SETD9: variants seen among roughly 807,000 people sequenced by gnomAD.
The protein encoded by SETD9 is SET domain containing 9.
A neutral mutation model predicts 36.4 loss-of-function variants in SETD9; 37 were observed. The observed-to-expected ratio is 1.02, with a 90% CI of 0.78 to 1.34. The LOEUF is 1.34. Ranked by LOEUF, SETD9 falls within the 40% of genes most tolerant of loss-of-function variation. The pLI, the probability that SETD9 is intolerant of heterozygous loss-of-function variation, is 0.00. For synonymous variants in SETD9, 128 were observed against 132.9 expected (o/e 0.96, Z 0.26); for missense variants, 323 against 353.2 (o/e 0.91, Z 0.69).
rs371330780 is a variant in SETD9, at chr5:56,923,897, C to T, written c.813-1436C>T. 14 of 1,613,848 alleles carry T rather than the reference C, an allele frequency of 8.7e-6. No homozygotes were observed. In the African/African-American group the frequency reaches 1.7e-4, roughly 20 times the overall value. ...ACAGTTAAAAGTAAGTCTTTGAAGG[C>T]AAGGCCACAGTACTTACGTAACTCC... On this transcript the variant is annotated intron_variant, in intron 5 of 5. Transcript: ENST00000628593.
intron 5 of SETD9, chr5:56,922,655 T>A (rs994923555): frequency 7.6e-5 from 12 of 157,918 alleles, no homozygotes; most frequent in African/African-American, 2.7e-4. Flanking sequence ...TGAGCAGGGA[T>A]CGGGATCGGT....
chr5:56,911,350 C>T lies in SETD9; in HGVS notation c.280C>T (p.His94Tyr). The change falls in exon 2 of 6, where the codon CAT becomes TAT. Residue 94 changes from histidine (H) to tyrosine (Y), a missense_variant. His to Tyr is a moderately conservative substitution (Grantham distance 83). Transcript: ENST00000285947. ...SKYQDLLAVE[H>Y]QGVKLLENRH... ...ATATCAAGACCTACTGGCAGTTGAA[C>T]ATCAAGGGGTGAAACTGCTTGAAAA... 6.2e-7 allele frequency: 1 copy of T among 1,611,450 alleles called. No homozygotes were observed.
At chr5:56,913,603 C>T (rs1326417588) in intron 3 of SETD9, among the ~76,000 whole-genome samples, 2 of 151,842 alleles carry the variant, frequency 1.3e-5, no homozygotes, top group Admixed American at 6.6e-5. Flanking sequence ...AGGCTGGTCT[C>T]GAACTCTAGA....
intron 4 of SETD9, 37 bp downstream of exon 4, chr5:56,914,026 T>G (rs772328214): frequency 7.0e-7 from 1 of 1,424,926 alleles, no homozygotes; most frequent in Non-Finnish European, 9.9e-7. Context: ...ATGAGATATA[T>G]CAATGGCTAA....
At position 56,913,029 on chromosome 5, in the gene SETD9, A is replaced by G. The variant is rs1176291607; in HGVS notation, c.485A>G (p.Tyr162Cys). Reference protein sequence around the residue: ...SMYPGTVYQKYEPIFFQSIGN... With the variant: ...SMYPGTVYQKCEPIFFQSIGN... ...GTAATAGGTACAGTATATCAGAAGTATGAGCCGATCTTTTTCCAGTCCATT... is the reference window on the plus strand; with the variant it reads ...GTAATAGGTACAGTATATCAGAAGTGTGAGCCGATCTTTTTCCAGTCCATT... The change falls in exon 3 of 6, where the codon TAT (tyrosine) becomes TGT (cysteine). Residue 162 changes from tyrosine (Y) to cysteine (C), a missense_variant. Coordinates refer to ENST00000285947, the MANE Select transcript of SETD9 (RefSeq NM_153706.4). The G allele has an allele frequency of 6.2e-7, 1 of 1,613,990 alleles. No individual in the cohort carries two copies. The highest frequency in any genetic ancestry group is 1.1e-5 in the South Asian group (1 of 91,068).
intron 5 of SETD9, chr5:56,923,687 T>G: frequency 6.2e-7 from 1 of 1,614,206 alleles, no homozygotes; most frequent in Non-Finnish European, 8.5e-7. Context: ...GGTCTTCATT[T>G]TACCTGTCAA....
At chr5:56,920,639 G>A (rs1308183996), downstream of SETD9, 2 of 151,904 alleles carry the variant, frequency 1.3e-5, no homozygotes, top group Non-Finnish European at 2.9e-5. Context: ...AAAAAACCCA[G>A]TAAATCCAGC....
downstream of SETD9, among the ~76,000 whole-genome samples, chr5:56,927,159 G>C (rs1285987104): frequency 1.3e-5 from 2 of 152,052 alleles, 1 homozygote; most frequent in East Asian, 3.8e-4. Context: ...GTATGATACT[G>C]TACTGGTGGA....
intron 1 of SETD9, chr5:56,909,944 C>T: frequency 9.0e-7 from 1 of 1,108,968 alleles, no homozygotes; most frequent in Non-Finnish European, 1.2e-6. Context: ...GGGCCAGAGG[C>T]GGGCGGGGCC....
chr5:56,911,002 C>G, intron 1 of SETD9, 167 bp from the exon 2 acceptor site: 1 of 643,142 alleles, frequency 1.6e-6, no homozygotes, highest in Non-Finnish European at 2.4e-6. Flanking sequence ...TGGGAGTTAG[C>G]TAACTAGAAC....
chr5:56,925,116 G>T (rs1749898546), intron 5 of SETD9, among the ~76,000 whole-genome samples: 1 of 151,786 alleles, frequency 6.6e-6, no homozygotes, highest in Non-Finnish European at 1.5e-5. Flanking sequence ...AAAACTGATG[G>T]TTTTTTTTAC....
downstream of SETD9, among the ~76,000 whole-genome samples, chr5:56,926,699 C>T (rs1037094608): frequency 1.3e-5 from 2 of 152,096 alleles, no homozygotes; most frequent in Non-Finnish European, 2.9e-5. Flanking sequence ...ACCATTCTAT[C>T]CTGTAATCCT....
chr5:56,911,426 C>G lies in SETD9; in HGVS notation c.356C>G (p.Thr119Ser). 6.2e-7 allele frequency: 1 copy of G among 1,613,560 alleles called. No homozygotes were observed. The highest frequency in any genetic ancestry group is 1.3e-5 in the African/African-American group (1 of 75,012). ...TFKPEEILYK[T>S]LGFSVAQATS... ...AAACCAGAAGAAATTCTTTACAAGA[C>G]TTTGGGTTTCAGTGTTGCCCAAGCA... The change falls in exon 2 of 6, where the codon ACT becomes AGT. Residue 119 changes from threonine (T) to serine (S), a missense_variant. Thr to Ser is a moderately conservative substitution (Grantham distance 58). Transcript: ENST00000285947.
intron 5 of SETD9, chr5:56,924,128 A>T: frequency 1.6e-6 from 2 of 1,287,986 alleles, no homozygotes; most frequent in Non-Finnish European, 2.2e-6. Context: ...CTACAACTTC[A>T]ATCCATGGGT....
chr5:56,910,053 C>T (rs1048470360), intron 1 of SETD9: 15 of 1,298,630 alleles, frequency 1.2e-5, no homozygotes, highest in Non-Finnish European at 1.5e-5. Context: ...GCTGCGCTGC[C>T]GGGCCCGCGA....
intron 1 of SETD9, 28 bp downstream of exon 1, chr5:56,909,771 G>T: frequency 6.3e-7 from 1 of 1,592,124 alleles, no homozygotes; most frequent in Non-Finnish European, 8.6e-7. Flanking sequence ...CAGAACGAGG[G>T]GCACCTGCCT....
At chr5:56,924,408 T>G (rs1749856803) in intron 5 of SETD9, among the ~76,000 whole-genome samples, 1 of 152,214 alleles carries the variant, frequency 6.6e-6, no homozygotes, top group African/African-American at 2.4e-5. Flanking sequence ...TTCTTAACTT[T>G]GGATTAACTA....
Position 56,911,410 on chromosome 5 carries a change from G to A in SETD9, c.340G>A (p.Glu114Lys). The stretch of plus-strand genomic sequence containing the variant: ...ACAGCAAAGTACCTTTAAACCAGAA[G>A]AAATTCTTTACAAGACTTTGGGTTT... ...HQQQSTFKPE[E>K]ILYKTLGFSV... The change falls in exon 2 of 6, where the codon GAA (glutamate) becomes AAA (lysine). Residue 114 changes from glutamate to lysine, a missense_variant. Glu to Lys is a moderately conservative substitution (Grantham distance 56). Coordinates refer to ENST00000285947, the MANE Select transcript of SETD9 (RefSeq NM_153706.4). 1 of 1,613,684 alleles carries A rather than the reference G, an allele frequency of 6.2e-7. No individual in the cohort carries two copies. The highest frequency in any genetic ancestry group is 8.5e-7 in the Non-Finnish European group (1 of 1,179,904).
Position 56,916,263 on chromosome 5 carries a change from G to A in SETD9, c.813-552G>A, listed in dbSNP as rs575806969. On this transcript the variant is annotated intron_variant, in intron 5 of 5. Transcript: ENST00000285947. ...AAAAATTAGTCAGGCGTGGTGGCAC[G>A]CACCTGTAATCCCAGCTACTCAGGA... is the stretch of plus-strand genomic sequence containing the variant. 9.2e-5 allele frequency among the ~76,000 whole-genome samples: 14 copies of A among 152,078 alleles called. No homozygotes were observed. In the East Asian group the frequency reaches 1.9e-3, roughly 21 times the overall value.
Sources: gnomAD v4.1 joint callset for allele counts (sites outside exome capture counted in the v4.1 genomes callset) on GRCh38, gnomAD v4.1.1 for gene constraint, MANE v1.5 for transcripts, NCBI Gene and HGNC (gene_info 2026-07-23, HGNC 2026-07-21) for gene names.